The following PTPRT variants were observed in gnomAD, a reference collection of about 807,000 sequenced individuals.
The protein encoded by PTPRT is receptor-type tyrosine-protein phosphatase T.
PTPRT carries 56 observed loss-of-function variants against 176.8 expected under a neutral mutation model. That is an observed-to-expected ratio of 0.32 (90% confidence interval 0.26 to 0.40). The LOEUF (loss-of-function observed/expected upper bound fraction) is 0.40. Ranked by LOEUF, PTPRT falls within the 10% of genes least tolerant of loss-of-function variation. The pLI, the probability that PTPRT is intolerant of heterozygous loss-of-function variation, is 1.00. For missense variants in PTPRT, 1,540 were observed against 1,908.2 expected, an observed-to-expected ratio of 0.81 and a Z score of 3.60; for synonymous variants, 783 against 739.0, an observed-to-expected ratio of 1.06 and a Z score of -0.96.
intron 17 of PTPRT, among the ~76,000 whole-genome samples, chr20:42,158,764 C>G (rs1989462361): frequency 6.6e-6 from 1 of 152,212 alleles, no homozygotes; most frequent in Admixed American, 6.5e-5. Context: ...TAACTAGAAG[C>G]TAAGCTTTAC....
intron 9 of PTPRT, among the ~76,000 whole-genome samples, chr20:42,402,477 T>G (rs1600963178): frequency 2.6e-5 from 3 of 115,340 alleles, no homozygotes; most frequent in African/African-American, 3.5e-5. Flanking sequence ...GGGAGGATAG[T>G]GCAGTTAAAA....
In PTPRT at chr20:42,771,555, G is replaced by C; in HGVS notation, c.569-5C>G. 6.2e-7 allele frequency: 1 copy of C among 1,610,646 alleles called. No individual in the cohort carries two copies. The highest frequency in any genetic ancestry group is 8.5e-7 in the Non-Finnish European group (1 of 1,176,836). On this transcript the variant is annotated splice_region_variant and splice_polypyrimidine_tract_variant and intron_variant, in intron 4 of 30. Transcript: ENST00000373187. ...GCAGAAAATGAGGTGCTTTTCCTAA[G>C]AGAGAAACCAAAGAACACAAGAGAA...
chr20:42,901,705 C>T (rs2079406585), intron 1 of PTPRT, among the ~76,000 whole-genome samples: 1 of 152,172 alleles, frequency 6.6e-6, no homozygotes, highest in Non-Finnish European at 1.5e-5. Context: ...TGGGCTGCTT[C>T]ATGCCCCCTC....
At chr20:43,029,100 A>G (rs1021493389) in intron 1 of PTPRT, among the ~76,000 whole-genome samples, 1 of 152,144 alleles carries the variant, frequency 6.6e-6, no homozygotes, top group South Asian at 2.1e-4. Context: ...TCTCCTAACC[A>G]TGAGATCTAT....
chr20:42,831,869 A>G (rs975758397), intron 2 of PTPRT, among the ~76,000 whole-genome samples: 3 of 152,232 alleles, frequency 2.0e-5, no homozygotes, highest in African/African-American at 7.2e-5. Context: ...TTAAAAGTCA[A>G]AAAAATAACA....
chr20:42,312,800 TC>T (rs1206680577), intron 12 of PTPRT, among the ~76,000 whole-genome samples: 3 of 114,370 alleles, frequency 2.6e-5, no homozygotes, highest in Admixed American at 1.0e-4. Context: ...CAGAGTGAGA[TC>T]CTTTTTTTTT....
chr20:42,929,786 G>A (rs924767336), intron 1 of PTPRT, among the ~76,000 whole-genome samples: 1 of 152,190 alleles, frequency 6.6e-6, no homozygotes, highest in Non-Finnish European at 1.5e-5. Context: ...AGCGTCCTTG[G>A]CTCCTGCAAG....
intron 1 of PTPRT, among the ~76,000 whole-genome samples, chr20:43,175,356 G>T (rs1433423856): frequency 6.6e-6 from 1 of 152,208 alleles, no homozygotes; most frequent in Non-Finnish European, 1.5e-5. Context: ...TTACAAACTC[G>T]GAAATAAGGC....
the PTPRT span, among the ~76,000 whole-genome samples, chr20:42,041,579 G>T: frequency 1.3e-5 from 2 of 152,116 alleles, no homozygotes; most frequent in Non-Finnish European, 2.9e-5. Flanking sequence ...TATATTAAAA[G>T]GAAACAGTTC....
At chr20:42,867,656 A>T (rs1215074374) in intron 2 of PTPRT, among the ~76,000 whole-genome samples, 1 of 150,304 alleles carries the variant, frequency 6.7e-6, no homozygotes, top group Non-Finnish European at 1.5e-5. Flanking sequence ...GAACTATGAG[A>T]CATAAATTTA....
At chr20:42,056,084 T>G in the PTPRT span, among the ~76,000 whole-genome samples, 8 of 152,284 alleles carry the variant, frequency 5.3e-5, no homozygotes, top group Non-Finnish European at 1.2e-4. Flanking sequence ...CTTGGAATCT[T>G]GTTGTTTTTC....
At chr20:42,917,553 A>T (rs898460090) in intron 1 of PTPRT, among the ~76,000 whole-genome samples, 1 of 152,216 alleles carries the variant, frequency 6.6e-6, no homozygotes, top group East Asian at 1.9e-4. Context: ...TACATTGGGC[A>T]GTATGGCCAT....
intron 1 of PTPRT, among the ~76,000 whole-genome samples, chr20:43,051,625 T>TAAAAAAAAAAAAAAAAAA (rs35885799): frequency 1.1e-5 from 1 of 91,950 alleles, no homozygotes; most frequent in African/African-American, 5.3e-5. Flanking sequence ...TCTGTAACTG[T>TAAAAAAAAAAAAAAAAAA]AAAAAAAAAA....
intron 18 of PTPRT, among the ~76,000 whole-genome samples, chr20:42,131,573 T>C (rs958233990): frequency 1.3e-5 from 2 of 152,234 alleles, no homozygotes; most frequent in Admixed American, 1.3e-4. Flanking sequence ...AGTGTACTTA[T>C]GGATGAAAGT....
chr20:43,000,644 C>T (rs1007169464), intron 1 of PTPRT, among the ~76,000 whole-genome samples: 2 of 151,992 alleles, frequency 1.3e-5, no homozygotes, highest in African/African-American at 4.8e-5. Flanking sequence ...AAAATCAAAA[C>T]TTGAGATTAT....
chr20:42,583,530 C>T (rs1428153487), intron 7 of PTPRT, among the ~76,000 whole-genome samples: 1 of 152,130 alleles, frequency 6.6e-6, no homozygotes, highest in Non-Finnish European at 1.5e-5. Flanking sequence ...TGGCTGAACA[C>T]TGACCTTCCA....
In PTPRT at chr20:42,446,580, ATGTGTGTGTG is replaced by A. The variant is rs372328206; in HGVS notation, c.1560+1630_1560+1639del. Among the ~76,000 whole-genome samples the A allele has an allele frequency of 2.0e-4, 28 of 139,564 alleles. No homozygotes were observed. The East Asian group carries it at 2.1e-3, about 11-fold the overall frequency. The allele number at this position is 139,564 out of a possible 152,430, so 91.6% of individuals were successfully genotyped here. On this transcript the variant is annotated intron_variant, in intron 9 of 30. Coordinates refer to ENST00000373187, the MANE Select transcript of PTPRT (RefSeq NM_007050.6). Reference sequence around the variant, plus strand: ...CACAACACATCTTTATTTCATGTAAATGTGTGTGTGTGTGTGTGTGTGTGTGTGTGTGTGT... The same window carrying A: ...CACAACACATCTTTATTTCATGTAAATGTGTGTGTGTGTGTGTGTGTGTGT...
rs147101073 is a variant in PTPRT at position 42,274,332 on chromosome 20, C to T, written c.2176+8157G>A. Among the ~76,000 whole-genome samples the T allele has an allele frequency of 3.9e-5, 6 of 152,284 alleles. No individual in the cohort carries two copies. The East Asian group carries it at 1.2e-3, about 29-fold the overall frequency. On this transcript the variant is annotated intron_variant, in intron 13 of 30. Coordinates refer to ENST00000373187, the MANE Select transcript of PTPRT (RefSeq NM_007050.6). ...CTGAGACCACATATATTCTAGATGG[C>T]ACAGCAACAAATATGCCTTTGTGGT... is the stretch of plus-strand genomic sequence containing the variant.
chr20:42,354,309 C>T (rs186082073), intron 9 of PTPRT, among the ~76,000 whole-genome samples: 151 of 152,154 alleles, frequency 9.9e-4, no homozygotes, highest in African/African-American at 3.5e-3. Flanking sequence ...ATGAAACGCG[C>T]TTTTTTGTTT....
Sources: gnomAD v4.1 joint callset for allele counts (sites outside exome capture counted in the v4.1 genomes callset) on GRCh38, gnomAD v4.1.1 for gene constraint, MANE v1.5 for transcripts, NCBI Gene and HGNC (gene_info 2026-07-23, HGNC 2026-07-21) for gene names.